CPNE8: variants seen among roughly 807,000 people sequenced by gnomAD.
CPNE8 encodes the protein copine-8.
A neutral mutation model predicts 81.5 loss-of-function variants in CPNE8; 45 were observed. The ratio of observed to expected loss-of-function variants is 0.55; its 90% CI spans 0.44 to 0.71. The LOEUF is 0.71. Ranked by LOEUF, CPNE8 falls within the 30% of genes least tolerant of loss-of-function variation. The pLI is 0.00. For synonymous variants in CPNE8, 252 were observed against 226.3 expected, an observed-to-expected ratio of 1.11 and a Z score of -1.02; for missense variants, 594 against 672.1, an observed-to-expected ratio of 0.88 and a Z score of 1.28.
intron 1 of CPNE8, among the ~76,000 whole-genome samples, chr12:38,882,572 C>T (rs1477715149): frequency 2.0e-5 from 3 of 152,134 alleles, no homozygotes; most frequent in Non-Finnish European, 4.4e-5. Context: ...CTCCTCCAAG[C>T]AAGACGCCTC....
At chr12:38,711,067 T>C (rs1940244275) in intron 13 of CPNE8, among the ~76,000 whole-genome samples, 1 of 152,214 alleles carries the variant, frequency 6.6e-6, no homozygotes, top group South Asian at 2.1e-4. Context: ...ATTTTGTTCC[T>C]ACAAAAGTTT....
At chr12:38,905,766 G>C, upstream of CPNE8, 1 of 1,393,458 alleles carries the variant, frequency 7.2e-7, no homozygotes, top group Non-Finnish European at 9.3e-7. Context: ...AGTGGCGCGC[G>C]GGGATCCCGG....
chr12:38,839,169 G>A (rs1033701191), intron 5 of CPNE8, among the ~76,000 whole-genome samples: 5 of 152,010 alleles, frequency 3.3e-5, no homozygotes, highest in African/African-American at 1.2e-4. Context: ...CTTCCTACTG[G>A]GGGTGGCCTA....
chr12:38,842,470 CT>C (rs1201661536), intron 4 of CPNE8, among the ~76,000 whole-genome samples: 9 of 151,224 alleles, frequency 6.0e-5, no homozygotes, highest in Admixed American at 5.3e-4. Flanking sequence ...TTTTACAAAG[CT>C]TTTTAAATAC....
At chr12:38,815,922 A>G (rs1331055018) in intron 6 of CPNE8, among the ~76,000 whole-genome samples, 1 of 152,202 alleles carries the variant, frequency 6.6e-6, no homozygotes, top group African/African-American at 2.4e-5. Flanking sequence ...TTTAAAAATA[A>G]ACAATTATTG....
intron 17 of CPNE8, 124 bp downstream of exon 17, chr12:38,677,328 G>C: frequency 1.6e-6 from 1 of 626,858 alleles, no homozygotes; most frequent in Non-Finnish European, 2.9e-6. Context: ...TAAGGTTAAG[G>C]ATGCAATCTG....
At chr12:38,777,433 T>C (rs892278575) in intron 6 of CPNE8, among the ~76,000 whole-genome samples, 3 of 152,164 alleles carry the variant, frequency 2.0e-5, no homozygotes, top group African/African-American at 7.2e-5. Flanking sequence ...AACATTATAG[T>C]AAGTTAAGGT....
intron 1 of CPNE8, among the ~76,000 whole-genome samples, chr12:38,877,496 A>C (rs911302728): frequency 6.6e-6 from 1 of 152,078 alleles, no homozygotes. Context: ...CATCAACACT[A>C]GGTTAAAAGT....
At chr12:38,671,086 G>T (rs533123667) in intron 18 of CPNE8, 55 of 259,374 alleles carry the variant, frequency 2.1e-4, no homozygotes, top group Admixed American at 5.0e-4. Context: ...CTGTCTCTGG[G>T]TCTATCATCT....
intron 18 of CPNE8, chr12:38,671,053 A>C: frequency 2.6e-6 from 1 of 382,424 alleles, no homozygotes; most frequent in Non-Finnish European, 4.7e-6. Context: ...CTCTGGGTCT[A>C]TCTCTTTGTA....
At chr12:38,759,186 C>G (rs904501157) in intron 10 of CPNE8, among the ~76,000 whole-genome samples, 1 of 152,072 alleles carries the variant, frequency 6.6e-6, no homozygotes, top group South Asian at 2.1e-4. Flanking sequence ...CCTCAAGTAT[C>G]GTGTTTTGCA....
At chr12:38,828,643 C>T (rs914505156) in intron 6 of CPNE8, among the ~76,000 whole-genome samples, 1 of 152,050 alleles carries the variant, frequency 6.6e-6, no homozygotes, top group Middle Eastern at 3.2e-3. Flanking sequence ...AAGATAAAGA[C>T]TTCAAAATTC....
At chr12:38,855,951 C>A (rs146320934) in intron 3 of CPNE8, among the ~76,000 whole-genome samples, 35 of 151,700 alleles carry the variant, frequency 2.3e-4, no homozygotes, top group Non-Finnish European at 1.6e-4. Flanking sequence ...AATGGACAAG[C>A]CTTTACCTAA....
At chr12:38,848,486 G>T in intron 4 of CPNE8, 73 bp downstream of exon 4, 1 of 1,466,440 alleles carries the variant, frequency 6.8e-7, no homozygotes, top group South Asian at 1.5e-5. Context: ...TGCAACCATA[G>T]GACCCTGCCT....
chr12:38,673,231 C>G (rs1249126327), intron 18 of CPNE8, among the ~76,000 whole-genome samples: 1 of 152,180 alleles, frequency 6.6e-6, no homozygotes, highest in Non-Finnish European at 1.5e-5. Context: ...TTTCTGAGGC[C>G]TTCCCAGCCA....
intron 6 of CPNE8, among the ~76,000 whole-genome samples, chr12:38,819,511 T>C (rs1442764393): frequency 6.6e-6 from 1 of 152,068 alleles, no homozygotes; most frequent in African/African-American, 2.4e-5. Flanking sequence ...CTCACGTCTG[T>C]AATTGCAGCA....
chr12:38,835,324 T>C (rs1378472072), intron 5 of CPNE8, among the ~76,000 whole-genome samples: 1 of 152,156 alleles, frequency 6.6e-6, no homozygotes, highest in Non-Finnish European at 1.5e-5. Context: ...ACCATGCTGG[T>C]TGGTTTAGGG....
At chr12:38,770,226 C>T (rs1486308282) in intron 7 of CPNE8, among the ~76,000 whole-genome samples, 1 of 152,132 alleles carries the variant, frequency 6.6e-6, no homozygotes, top group Non-Finnish European at 1.5e-5. Flanking sequence ...CATAAACTTG[C>T]TTCTCCTATA....
chr12:38,800,009 C>T (rs544116916), intron 6 of CPNE8, among the ~76,000 whole-genome samples: 21 of 141,774 alleles, frequency 1.5e-4, no homozygotes, highest in African/African-American at 3.8e-4. Flanking sequence ...GGGTCCTACG[C>T]CCACGGAATC....
Sources: gnomAD v4.1 joint callset for allele counts (sites outside exome capture counted in the v4.1 genomes callset) on GRCh38, gnomAD v4.1.1 for gene constraint, MANE v1.5 for transcripts, NCBI Gene and HGNC (gene_info 2026-07-23, HGNC 2026-07-21) for gene names.